Variants in VPS13B observed in about 807,000 individuals in gnomAD.
The protein encoded by VPS13B is vacuolar protein sorting 13 homolog B.
VPS13B carries 285 observed loss-of-function variants against 426.4 expected under a neutral mutation model. That is an observed-to-expected ratio of 0.67 (90% confidence interval 0.61 to 0.74). The LOEUF (loss-of-function observed/expected upper bound fraction) is 0.74, where lower values mean the gene tolerates loss of function less well. Among genes scored for constraint, VPS13B ranks in the 30% least tolerant of loss-of-function variants. The probability of loss-of-function intolerance (pLI) is 0.00; values close to 1 mark genes in which losing one functional copy is unlikely to be tolerated. For missense variants in VPS13B, 4,537 were observed against 4,782.6 expected (o/e 0.95, Z 1.51); for synonymous variants, 1,676 against 1,676.4 (o/e 1.00, Z 0.01).
chr8:99,341,803 A>C, intron 19 of VPS13B: 1 of 286,962 alleles, frequency 3.5e-6, no homozygotes, highest in Non-Finnish European at 7.2e-6. Flanking sequence ...CCCACGTGGC[A>C]CTGGGCTGCA....
chr8:99,784,286 T>A, intron 42 of VPS13B, 29 bp from the exon 43 acceptor site: 1 of 1,613,468 alleles, frequency 6.2e-7, no homozygotes, highest in Non-Finnish European at 8.5e-7. Context: ...ATCCGATCCA[T>A]GTTGGCTTTC....
chr8:99,161,854 T>C (rs1811675983), intron 15 of VPS13B, among the ~76,000 whole-genome samples: 1 of 150,846 alleles, frequency 6.6e-6, no homozygotes, highest in African/African-American at 2.4e-5. Context: ...TGCCTCAGCC[T>C]CCCGAGTAGC....
At chr8:99,854,296 C>A in intron 56 of VPS13B, 40 bp downstream of exon 56, 1 of 1,597,864 alleles carries the variant, frequency 6.3e-7, no homozygotes, top group Non-Finnish European at 8.5e-7. Context: ...AGCTAGAGCC[C>A]GGGTAGAAAT....
At chr8:99,626,011 T>C (rs1351721786) in intron 33 of VPS13B, among the ~76,000 whole-genome samples, 2 of 152,196 alleles carry the variant, frequency 1.3e-5, no homozygotes, top group Non-Finnish European at 2.9e-5. Flanking sequence ...ACATACCGTA[T>C]GCAAAAATTA....
At chr8:99,081,122 A>G (rs904949863) in intron 3 of VPS13B, among the ~76,000 whole-genome samples, 3 of 152,194 alleles carry the variant, frequency 2.0e-5, no homozygotes, top group African/African-American at 4.8e-5. Flanking sequence ...GCCTCCTTCA[A>G]AATTGGGGAT....
intron 35 of VPS13B, among the ~76,000 whole-genome samples, chr8:99,668,163 T>A (rs1465115131): frequency 6.6e-6 from 1 of 152,102 alleles, no homozygotes; most frequent in African/African-American, 2.4e-5. Flanking sequence ...TTTTTCTTGT[T>A]CTTTAATGAA....
At chr8:99,508,023 A>G (rs1412511903) in intron 28 of VPS13B, 4 of 1,501,174 alleles carry the variant, frequency 2.7e-6, no homozygotes, top group Non-Finnish European at 3.7e-6. Context: ...CCATATCATA[A>G]ACTTTATAAA....
chr8:99,643,403 A>G (rs1451399132), intron 34 of VPS13B, among the ~76,000 whole-genome samples: 1 of 152,194 alleles, frequency 6.6e-6, no homozygotes, highest in African/African-American at 2.4e-5. Context: ...AGGTTTGTTC[A>G]TTCTTGCCAT....
At chr8:99,575,864 C>G (rs983934651) in intron 32 of VPS13B, 80 bp downstream of exon 32, 3 of 1,447,728 alleles carry the variant, frequency 2.1e-6, no homozygotes, top group Non-Finnish European at 2.9e-6. Context: ...GCCACAGTTT[C>G]AGCCCATAGG....
chr8:99,672,381 A>G (rs1179689487), intron 35 of VPS13B, among the ~76,000 whole-genome samples: 2 of 152,230 alleles, frequency 1.3e-5, no homozygotes, highest in East Asian at 3.9e-4. Flanking sequence ...TTTAGCTATT[A>G]TGAAATGAGA....
chr8:99,129,477 A>G (rs888202552), intron 8 of VPS13B, among the ~76,000 whole-genome samples: 3 of 147,226 alleles, frequency 2.0e-5, no homozygotes, highest in African/African-American at 7.5e-5. Flanking sequence ...CTGAAGTGGG[A>G]GTATTGCTTG....
At chr8:99,557,279 C>T (rs2133766526) in intron 31 of VPS13B, among the ~76,000 whole-genome samples, 1 of 151,978 alleles carries the variant, frequency 6.6e-6, no homozygotes, top group Middle Eastern at 3.4e-3. Context: ...AGTCTTTTAT[C>T]CCTCACTCCC....
chr8:99,827,474 G>T (rs1250655853), intron 51 of VPS13B, among the ~76,000 whole-genome samples: 2 of 145,860 alleles, frequency 1.4e-5, no homozygotes, highest in Non-Finnish European at 3.0e-5. Flanking sequence ...TTCTTTATTG[G>T]TCTGGCCAGC....
At chr8:99,551,075 G>A (rs1362644251) in intron 30 of VPS13B, among the ~76,000 whole-genome samples, 1 of 151,960 alleles carries the variant, frequency 6.6e-6, no homozygotes. Flanking sequence ...CAATTTTTCT[G>A]TATTTTTCTT....
At chr8:99,501,359 A>G (rs1479245073) in intron 25 of VPS13B, among the ~76,000 whole-genome samples, 1 of 152,148 alleles carries the variant, frequency 6.6e-6, no homozygotes, top group Non-Finnish European at 1.5e-5. Flanking sequence ...TTATTCCCCA[A>G]TACAGACAGA....
At chr8:99,067,207 G>T (rs1844573702) in intron 3 of VPS13B, among the ~76,000 whole-genome samples, 1 of 152,072 alleles carries the variant, frequency 6.6e-6, no homozygotes, top group Admixed American at 6.6e-5. Context: ...TGTTTATTGG[G>T]GCACTATTCA....
intron 19 of VPS13B, among the ~76,000 whole-genome samples, chr8:99,358,117 G>C (rs900795367): frequency 1.3e-5 from 2 of 151,956 alleles, no homozygotes; most frequent in African/African-American, 2.4e-5. Context: ...CCAGACCGCT[G>C]CTCCTCTGCG....
chr8:99,739,095 G>A (rs1311434028), intron 39 of VPS13B, among the ~76,000 whole-genome samples: 3 of 152,180 alleles, frequency 2.0e-5, no homozygotes, highest in African/African-American at 4.8e-5. Context: ...GGTGACAGAC[G>A]GCACCTGGAA....
At chr8:99,719,018 G>A (rs1330483149) in intron 37 of VPS13B, among the ~76,000 whole-genome samples, 1 of 152,080 alleles carries the variant, frequency 6.6e-6, no homozygotes, top group Admixed American at 6.6e-5. Context: ...AATGCACAGA[G>A]CAAGATTTGG....
Sources: gnomAD v4.1 joint callset for allele counts (sites outside exome capture counted in the v4.1 genomes callset) on GRCh38, gnomAD v4.1.1 for gene constraint, MANE v1.5 for transcripts, NCBI Gene and HGNC (gene_info 2026-07-23, HGNC 2026-07-21) for gene names.